The following YTHDF3 variants were observed in gnomAD, a reference collection of about 807,000 sequenced individuals.
The protein encoded by YTHDF3 is YTH domain-containing family protein 3.
YTHDF3 carries 9 observed loss-of-function variants against 52.5 expected under a neutral mutation model. That is an observed-to-expected ratio of 0.17 (90% CI 0.10 to 0.30). YTHDF3 has a LOEUF of 0.30. Among genes scored for constraint, YTHDF3 ranks in the 10% least tolerant of loss-of-function variants. YTHDF3 has a pLI of 1.00. For missense variants in YTHDF3, 534 were observed against 715.0 expected, an observed-to-expected ratio of 0.75 and a Z score of 2.89; for synonymous variants, 274 against 243.3, an observed-to-expected ratio of 1.13 and a Z score of -1.18.
In YTHDF3 at chr8:63,212,217, A is replaced by G. The variant is rs1187504580; in HGVS notation, c.*2511A>G. 7.9e-5 allele frequency: 12 copies of G among 152,640 alleles called. No individual in the cohort carries two copies. The highest frequency in any genetic ancestry group is 1.8e-4 in the Non-Finnish European group (12 of 68,016). The allele number at this position is 152,640 out of a possible 1,614,324, so 9.5% of individuals were successfully genotyped here. ...TGGGTATTTTATTTTGAAAGGTATT[A>G]TAGTTTGTATATTTAACAGTAAGGA... On this transcript the variant is annotated 3_prime_UTR_variant, in exon 5 of 5. Transcript: ENST00000539294.
intron 4 of YTHDF3, among the ~76,000 whole-genome samples, chr8:63,195,177 C>T (rs1414293995): frequency 2.6e-5 from 4 of 152,050 alleles, no homozygotes; most frequent in Admixed American, 6.6e-5. Flanking sequence ...TTCAAATTGT[C>T]GGAGAAATCC....
At chr8:63,205,148 G>A (rs1475474256) in intron 4 of YTHDF3, among the ~76,000 whole-genome samples, 1 of 152,008 alleles carries the variant, frequency 6.6e-6, no homozygotes. Flanking sequence ...GTTCACGGTG[G>A]GGAAGAAGCC....
intron 3 of YTHDF3, among the ~76,000 whole-genome samples, chr8:63,184,474 CAT>C (rs2130071180): frequency 6.6e-6 from 1 of 152,342 alleles, no homozygotes; most frequent in South Asian, 2.1e-4. Context: ...TTAGCTTTCT[CAT>C]AGACAGTAGA....
At chr8:63,200,525 C>A (rs777745253) in intron 4 of YTHDF3, among the ~76,000 whole-genome samples, 8 of 150,952 alleles carry the variant, frequency 5.3e-5, no homozygotes, top group Non-Finnish European at 7.4e-5. Flanking sequence ...AGGCCATACT[C>A]AGGGGAGGGG....
intron 3 of YTHDF3, among the ~76,000 whole-genome samples, chr8:63,182,299 G>A (rs908494879): frequency 5.5e-5 from 8 of 144,894 alleles, no homozygotes; most frequent in African/African-American, 2.1e-4. Flanking sequence ...TTGAACTCCT[G>A]GACTCAATTG....
At chr8:63,172,382 C>T (rs553084771) in intron 2 of YTHDF3, among the ~76,000 whole-genome samples, 16 of 152,168 alleles carry the variant, frequency 1.1e-4, no homozygotes, top group Middle Eastern at 3.4e-3. Context: ...CTTTTTCCTC[C>T]TCTCCGCTCT....
At chr8:63,194,973 A>T (rs541713986) in intron 4 of YTHDF3, among the ~76,000 whole-genome samples, 37 of 152,344 alleles carry the variant, frequency 2.4e-4, no homozygotes, top group African/African-American at 5.5e-4. Flanking sequence ...AGGACTTTAA[A>T]AACCTAATTT....
In YTHDF3 at chr8:63,186,449, A is replaced by C. The variant is rs1048458012; in HGVS notation, c.438A>C (p.Thr146=). 1.2e-6 allele frequency: 2 copies of C among 1,613,930 alleles called. No individual in the cohort carries two copies. The highest frequency in any genetic ancestry group is 2.7e-5 in the African/African-American group (2 of 74,930). Residue 146 remains threonine (T), a synonymous_variant, in exon 4 of 5, where the codon ACA becomes ACC. Transcript: ENST00000539294. ...CAAGTGGATCTCAGGGACAATCAACACAAAGTTCTGCTTATAGTAGCAGTT... is the reference window on the plus strand; with the variant it reads ...CAAGTGGATCTCAGGGACAATCAACCCAAAGTTCTGCTTATAGTAGCAGTT... ...WGTSGSQGQS[T]QSSAYSSSYG... is the part of the protein sequence containing the mutation.
Position 63,186,362 on chromosome 8 carries a change from A to G in YTHDF3, c.351A>G (p.Pro117=), listed in dbSNP as rs1368370163. 1.9e-6 allele frequency: 3 copies of G among 1,613,970 alleles called. No individual in the cohort carries two copies. The highest frequency in any genetic ancestry group is 8.5e-7 in the Non-Finnish European group (1 of 1,179,882). ...CTGGGGCATTAGGAAATACCCCTCC[A>G]TTTCTTGGTCAACATGGATTTAACT... ...SQPGALGNTP[P]FLGQHGFNFF... is the part of the protein sequence containing the mutation. The change falls in exon 4 of 5, where the codon CCA becomes CCG. Residue 117 remains proline (P), a synonymous_variant. Coordinates refer to ENST00000539294, the MANE Select transcript of YTHDF3 (RefSeq NM_152758.6).
At chr8:63,182,328 C>A (rs1264527038) in intron 3 of YTHDF3, among the ~76,000 whole-genome samples, 1 of 150,132 alleles carries the variant, frequency 6.7e-6, no homozygotes, top group Non-Finnish European at 1.5e-5. Flanking sequence ...TTTCCAGCCT[C>A]CTGAGTAGCT....
intron 3 of YTHDF3, among the ~76,000 whole-genome samples, chr8:63,183,983 C>G (rs972262223): frequency 6.6e-6 from 1 of 152,070 alleles, no homozygotes; most frequent in African/African-American, 2.4e-5. Flanking sequence ...ATACCTAATA[C>G]AGTGTAAATG....
At chr8:63,184,352 A>G (rs2130070369) in intron 3 of YTHDF3, among the ~76,000 whole-genome samples, 1 of 152,356 alleles carries the variant, frequency 6.6e-6, no homozygotes, top group South Asian at 2.1e-4. Flanking sequence ...GGCAATAGCC[A>G]GTAAATCTTT....
At chr8:63,208,934 C>T in intron 4 of YTHDF3, among the ~76,000 whole-genome samples, 1 of 152,176 alleles carries the variant, frequency 6.6e-6, no homozygotes. Flanking sequence ...ATGGTGCCAT[C>T]TTGGCTCATG....
chr8:63,182,815 A>G (rs1385614576), intron 3 of YTHDF3, among the ~76,000 whole-genome samples: 1 of 151,996 alleles, frequency 6.6e-6, no homozygotes, highest in Non-Finnish European at 1.5e-5. Context: ...TTAACTGTAG[A>G]TTTTCTTTTA....
chr8:63,183,315 A>G (rs1808276738), intron 3 of YTHDF3, among the ~76,000 whole-genome samples: 1 of 151,938 alleles, frequency 6.6e-6, no homozygotes, highest in African/African-American at 2.4e-5. Context: ...TGAACTTCTC[A>G]TTTTTATTAA....
intron 4 of YTHDF3, among the ~76,000 whole-genome samples, chr8:63,208,092 T>G (rs1810152131): frequency 6.6e-6 from 1 of 152,204 alleles, no homozygotes; most frequent in Non-Finnish European, 1.5e-5. Context: ...ATGTACTTAA[T>G]CTAGCTAGCT....
chr8:63,194,171 CT>C (rs370447916), intron 4 of YTHDF3, among the ~76,000 whole-genome samples: 12 of 152,228 alleles, frequency 7.9e-5, no homozygotes, highest in African/African-American at 2.6e-4. Flanking sequence ...TTTGCTTCAT[CT>C]TTTTGGTCGT....
chr8:63,168,895 G>C lies in YTHDF3; in HGVS notation c.18G>C (p.Val6=). MSATS[V]DQRPKGQGNK... Reference sequence around the variant, plus strand: ...GGTGAAGAATGTCAGCCACTAGCGTGGATCAGGTGAGGGAGCAGAGGCCCC... The same window carrying C: ...GGTGAAGAATGTCAGCCACTAGCGTCGATCAGGTGAGGGAGCAGAGGCCCC... The change falls in exon 1 of 5, where the codon GTG becomes GTC. Residue 6 remains valine, a synonymous_variant. Coordinates refer to ENST00000539294, the MANE Select transcript of YTHDF3 (RefSeq NM_152758.6). The C allele has an allele frequency of 1.9e-6, 3 of 1,553,556 alleles. No homozygotes were observed. The highest frequency in any genetic ancestry group is 2.6e-6 in the Non-Finnish European group (3 of 1,148,428).
chr8:63,189,139 G>GGA (rs925862654), intron 4 of YTHDF3: 11 of 152,200 alleles, frequency 7.2e-5, no homozygotes, highest in African/African-American at 2.2e-4. Context: ...TAAGATTGAG[G>GGA]GAGACATTCC....
Sources: gnomAD v4.1 joint callset for allele counts (sites outside exome capture counted in the v4.1 genomes callset) on GRCh38, gnomAD v4.1.1 for gene constraint, MANE v1.5 for transcripts, NCBI Gene and HGNC (gene_info 2026-07-23, HGNC 2026-07-21) for gene names.